The following SLC4A10 variants were observed in gnomAD, a reference collection of about 807,000 sequenced individuals.
SLC4A10 encodes sodium-driven chloride bicarbonate exchanger.
A neutral mutation model predicts 137.7 loss-of-function variants in SLC4A10; 42 were observed. The ratio of observed to expected loss-of-function variants is 0.30; its 90% CI spans 0.24 to 0.39. The LOEUF (loss-of-function observed/expected upper bound fraction) is 0.39, where lower values mean the gene tolerates loss of function less well. Ranked by LOEUF, SLC4A10 falls within the 10% of genes least tolerant of loss-of-function variation. SLC4A10 has a pLI of 1.00. For synonymous variants in SLC4A10, 474 were observed against 464.1 expected (o/e 1.02, Z -0.27); for missense variants, 925 against 1,355.0 (o/e 0.68, Z 4.98).
intron 10 of SLC4A10, among the ~76,000 whole-genome samples, chr2:161,884,435 C>T (rs1443381708): frequency 6.6e-6 from 1 of 152,134 alleles, no homozygotes; most frequent in East Asian, 1.9e-4. Context: ...CCAAAGTTTT[C>T]TTGACTAACC....
At chr2:161,795,718 T>C (rs151053388) in intron 2 of SLC4A10, among the ~76,000 whole-genome samples, 1 of 152,140 alleles carries the variant, frequency 6.6e-6, no homozygotes, top group Non-Finnish European at 1.5e-5. Flanking sequence ...TCAATTTCAT[T>C]ATTTGTAAGT....
rs374927410 is a variant in SLC4A10 at position 161,950,646 on chromosome 2, T to C, written c.2380-41T>C. On this transcript the variant is annotated intron_variant, in intron 18 of 26. Coordinates refer to ENST00000446997, the MANE Select transcript of SLC4A10 (RefSeq NM_001178015.2). ...AGACCTAATTTGATCAAGTATTCAT[T>C]AATCCAGTTCATAACTATGCACATT... is the stretch of plus-strand genomic sequence containing the variant. 732 of 1,549,976 alleles carry C rather than the reference T, an allele frequency of 4.7e-4. 5 individuals carry two copies. Among genetic ancestry groups the C allele is most frequent in the Non-Finnish European group, 8.4e-5 (96 of 1,145,358 alleles).
chr2:161,906,804 C>T (rs1427132915), intron 15 of SLC4A10, among the ~76,000 whole-genome samples: 2 of 151,916 alleles, frequency 1.3e-5, no homozygotes, highest in African/African-American at 4.8e-5. Flanking sequence ...TTAAGAATGA[C>T]GAAATGTTGG....
At chr2:161,818,394 G>T (rs755321175) in intron 3 of SLC4A10, among the ~76,000 whole-genome samples, 1 of 152,148 alleles carries the variant, frequency 6.6e-6, no homozygotes, top group Non-Finnish European at 1.5e-5. Context: ...AGATGATGGG[G>T]TTTTCTAGAT....
intron 1 of SLC4A10, among the ~76,000 whole-genome samples, chr2:161,721,896 CT>C (rs1381374093): frequency 6.6e-6 from 1 of 152,188 alleles, no homozygotes; most frequent in Admixed American, 6.6e-5. Context: ...TTTCATTCTT[CT>C]TTCTCTAATC....
intron 15 of SLC4A10, among the ~76,000 whole-genome samples, chr2:161,926,642 A>T (rs4375880): frequency 1 from 138,421 of 138,984 alleles, 68,933 homozygotes; most frequent in East Asian, 1. Flanking sequence ...TGATGCAGTT[A>T]CTTCCTAGCA....
chr2:161,732,818 T>C (rs944892966), intron 1 of SLC4A10, among the ~76,000 whole-genome samples: 1 of 152,132 alleles, frequency 6.6e-6, no homozygotes, highest in African/African-American at 2.4e-5. Flanking sequence ...GCTGAGGTGG[T>C]CTCAGATGGA....
intron 3 of SLC4A10, among the ~76,000 whole-genome samples, chr2:161,820,213 A>G (rs1336007045): frequency 1.3e-5 from 2 of 152,350 alleles, no homozygotes; most frequent in South Asian, 2.1e-4. Context: ...TATAGAAAAC[A>G]TGACCTCAAA....
rs1694359114 is a variant in SLC4A10, at chr2:161,949,199, G to A, written c.2317G>A (p.Val773Ile). Residue 773 changes from valine (V) to isoleucine (I), a missense_variant, in exon 18 of 27, where the codon GTT becomes ATT. By Grantham distance (29) the Val-to-Ile change is conservative. This residue lies in a region of SLC4A10 where 82 missense variants were observed against 151.4 expected (regional missense o/e 0.54). Coordinates refer to ENST00000446997, the MANE Select transcript of SLC4A10 (RefSeq NM_001178015.2). ...TGTCTTTCTTACAATTCTGTGTATG[G>A]TTTTAATTGACTATGCCATTGGGAT... is the stretch of plus-strand genomic sequence containing the variant. ...FAVFLTILCM[V>I]LIDYAIGIPS... 2.5e-6 allele frequency: 4 copies of A among 1,611,244 alleles called. No homozygotes were observed. The South Asian group carries it at 4.4e-5, about 18-fold the overall frequency.
intron 1 of SLC4A10, among the ~76,000 whole-genome samples, chr2:161,633,676 A>G (rs2033956194): frequency 1.3e-5 from 2 of 151,718 alleles, no homozygotes. Flanking sequence ...TTGAATGAAA[A>G]TCATTACCTG....
At chr2:161,962,964 C>T (rs1206000192) in intron 21 of SLC4A10, among the ~76,000 whole-genome samples, 1 of 152,014 alleles carries the variant, frequency 6.6e-6, no homozygotes, top group Non-Finnish European at 1.5e-5. Context: ...TCTAATATTA[C>T]TTTTTGAAAA....
intron 1 of SLC4A10, among the ~76,000 whole-genome samples, chr2:161,703,012 T>C (rs2043281146): frequency 6.6e-6 from 1 of 151,758 alleles, no homozygotes; most frequent in Non-Finnish European, 1.5e-5. Context: ...TTTTTCTACA[T>C]AGAGACTGTG....
At chr2:161,682,717 T>A (rs1559020035) in intron 1 of SLC4A10, among the ~76,000 whole-genome samples, 1 of 152,052 alleles carries the variant, frequency 6.6e-6, no homozygotes, top group Non-Finnish European at 1.5e-5. Context: ...TGGGGTCAGA[T>A]GAAAAGCTGA....
At position 161,983,235 on chromosome 2, in the gene SLC4A10, C is replaced by G. The variant is rs1700467514; in HGVS notation, c.*83C>G. The G allele has an allele frequency of 2.0e-6, 3 of 1,536,504 alleles. No individual in the cohort carries two copies. The highest frequency in any genetic ancestry group is 2.6e-6 in the Non-Finnish European group (3 of 1,146,936). ...TCAGGGAAAGGTGTTGACAGGGAGA[C>G]TTGTCTATGACTCGATCTTCAATTT... On this transcript the variant is annotated 3_prime_UTR_variant, in exon 27 of 27. Transcript: ENST00000446997.
chr2:161,692,223 A>G (rs2042072996), intron 1 of SLC4A10, among the ~76,000 whole-genome samples: 1 of 152,126 alleles, frequency 6.6e-6, no homozygotes, highest in Non-Finnish European at 1.5e-5. Flanking sequence ...CTGCCTTTTT[A>G]TAAATTAGCA....
chr2:161,943,808 A>G (rs900429726), intron 16 of SLC4A10, among the ~76,000 whole-genome samples: 12 of 151,954 alleles, frequency 7.9e-5, no homozygotes, highest in African/African-American at 2.9e-4. Context: ...AATGCATACT[A>G]TTTTAGTAAG....
intron 1 of SLC4A10, among the ~76,000 whole-genome samples, chr2:161,759,498 T>A (rs2050019336): frequency 6.6e-6 from 1 of 152,012 alleles, no homozygotes; most frequent in South Asian, 2.1e-4. Flanking sequence ...TGCTCCTCAG[T>A]CCCTGGCAAC....
At chr2:161,976,449 G>A (rs569296331) in intron 24 of SLC4A10, among the ~76,000 whole-genome samples, 63 of 152,236 alleles carry the variant, frequency 4.1e-4, no homozygotes, top group Non-Finnish European at 7.6e-4. Flanking sequence ...GCCAGGGACC[G>A]GGAACAAGAG....
At chr2:161,652,440 CAT>C (rs942595192) in intron 1 of SLC4A10, among the ~76,000 whole-genome samples, 25 of 152,210 alleles carry the variant, frequency 1.6e-4, no homozygotes, top group Admixed American at 8.5e-4. Context: ...CACACACACA[CAT>C]ATGTGAAGAA....
Sources: allele counts gnomAD v4.1 joint callset (sites outside exome capture counted in the v4.1 genomes callset), GRCh38; gene constraint gnomAD v4.1.1; regional missense constraint gnomAD v4.1.1; transcripts MANE v1.5; gene names NCBI Gene and HGNC (gene_info 2026-07-23, HGNC 2026-07-21).